The following PSMG4 variants were observed in gnomAD, a reference collection of about 807,000 sequenced individuals.
PSMG4 encodes the protein proteasome assembly chaperone 4, also known as proteasome (prosome, macropain) assembly chaperone 4.
Under a neutral mutation model 11.0 loss-of-function variants are expected in PSMG4, and 10 were observed. The ratio of observed to expected loss-of-function variants is 0.91; its 90% CI spans 0.56 to 1.54. The LOEUF (loss-of-function observed/expected upper bound fraction) is 1.54. PSMG4 is among the 40% of genes most tolerant of loss of function. PSMG4 has a pLI of 0.00. For missense variants in PSMG4, 198 were observed against 160.9 expected, an observed-to-expected ratio of 1.23 and a Z score of -1.25; for synonymous variants, 95 against 71.3, an observed-to-expected ratio of 1.33 and a Z score of -1.68.
intron 1 of PSMG4, among the ~76,000 whole-genome samples, chr6:3,260,376 C>G (rs1757945331): frequency 1.4e-5 from 2 of 144,766 alleles, no homozygotes; most frequent in Non-Finnish European, 3.0e-5. Context: ...ACTGCAACCT[C>G]CGCCTCCCAG....
upstream of PSMG4, chr6:3,255,195 G>A (rs769591333): frequency 5.2e-6 from 8 of 1,550,378 alleles, no homozygotes; most frequent in African/African-American, 4.1e-5. Flanking sequence ...GTGGAAGTAG[G>A]ATGTTTGGTG....
upstream of PSMG4, chr6:3,255,162 T>C: frequency 1.3e-6 from 2 of 1,550,950 alleles, no homozygotes; most frequent in East Asian, 4.9e-5. Flanking sequence ...AGGGCCATAC[T>C]GACGGCTTAC....
chr6:3,263,987 C>A, intron 2 of PSMG4: 1 of 1,314,364 alleles, frequency 7.6e-7, no homozygotes, highest in Non-Finnish European at 1.0e-6. Flanking sequence ...AAAGGACTCC[C>A]ACCTCGTCCT....
At chr6:3,255,682 A>AT (rs1752025742), upstream of PSMG4, among the ~76,000 whole-genome samples, 1 of 152,232 alleles carries the variant, frequency 6.6e-6, no homozygotes, top group African/African-American at 2.4e-5. Flanking sequence ...TTTGTATGAG[A>AT]TCCCTCCTAT....
chr6:3,266,297 A>G (rs1441367757), intron 2 of PSMG4: 2 of 152,252 alleles, frequency 1.3e-5, no homozygotes, highest in East Asian at 1.9e-4. Context: ...CTGAAAGGAC[A>G]GAACTGCTGC....
At chr6:3,254,451 C>CTTTTT (rs5873867), upstream of PSMG4, among the ~76,000 whole-genome samples, 6 of 151,712 alleles carry the variant, frequency 4.0e-5, no homozygotes, top group African/African-American at 1.5e-4. Flanking sequence ...TAGTTTTCTG[C>CTTTTT]TTTTTTTGTG....
At chr6:3,254,653 T>C (rs184590269), upstream of PSMG4, among the ~76,000 whole-genome samples, 7 of 152,296 alleles carry the variant, frequency 4.6e-5, no homozygotes, top group East Asian at 1.4e-3. Context: ...GGCCTACAGC[T>C]TTGTTCCTTC....
intron 2 of PSMG4, 40 bp from the exon 3 acceptor site, chr6:3,267,551 A>T: frequency 6.5e-7 from 1 of 1,546,862 alleles, no homozygotes; most frequent in Non-Finnish European, 8.7e-7. Context: ...GGCCTGCAGT[A>T]TTTCAGGAGT....
At chr6:3,259,563 C>T (rs1482571901) in intron 1 of PSMG4, among the ~76,000 whole-genome samples, 1 of 152,250 alleles carries the variant, frequency 6.6e-6, no homozygotes, top group African/African-American at 2.4e-5. Context: ...ACTCTTGCGT[C>T]TCCACTGGAT....
upstream of PSMG4, among the ~76,000 whole-genome samples, chr6:3,257,793 G>A (rs1218462328): frequency 6.6e-6 from 1 of 152,174 alleles, no homozygotes; most frequent in Non-Finnish European, 1.5e-5. Context: ...GGATTGTGAT[G>A]ATGATTTCAC....
chr6:3,266,789 A>T (rs1025215664), intron 2 of PSMG4: 1 of 152,166 alleles, frequency 6.6e-6, no homozygotes, highest in African/African-American at 2.4e-5. Flanking sequence ...ATGGAAACGT[A>T]GGAGGGAGGG....
At chr6:3,254,551 T>G (rs1410141914), upstream of PSMG4, among the ~76,000 whole-genome samples, 1 of 152,144 alleles carries the variant, frequency 6.6e-6, no homozygotes, top group Non-Finnish European at 1.5e-5. Flanking sequence ...GTGTGCAGAT[T>G]TGTTCTCGGG....
chr6:3,256,885 G>A (rs1270674494), upstream of PSMG4, among the ~76,000 whole-genome samples: 6 of 152,194 alleles, frequency 3.9e-5, no homozygotes, highest in Admixed American at 3.3e-4. Flanking sequence ...TAGCAGTTGG[G>A]ACAAGTTTTT....
chr6:3,255,004 C>T (rs775816866), upstream of PSMG4: 20 of 1,541,520 alleles, frequency 1.3e-5, no homozygotes, highest in South Asian at 2.1e-4. Flanking sequence ...TAGCGCACTC[C>T]CATGTGGGAG....
At chr6:3,263,655 C>T (rs371161980) in intron 1 of PSMG4, 29 bp from the exon 2 acceptor site, 2 of 1,506,114 alleles carry the variant, frequency 1.3e-6, no homozygotes, top group Non-Finnish European at 1.8e-6. Context: ...GGTGGAGAAG[C>T]TGCAGTGTGC....
At chr6:3,261,861 G>A (rs976353925) in intron 1 of PSMG4, among the ~76,000 whole-genome samples, 1 of 152,196 alleles carries the variant, frequency 6.6e-6, no homozygotes, top group Admixed American at 6.5e-5. Context: ...CTGAGCAGTT[G>A]TAATAGAGAC....
At chr6:3,254,552 T>TA (rs1440397289), upstream of PSMG4, among the ~76,000 whole-genome samples, 2 of 152,160 alleles carry the variant, frequency 1.3e-5, no homozygotes, top group East Asian at 3.8e-4. Context: ...TGTGCAGATT[T>TA]GTTCTCGGGG....
chr6:3,260,224 A>G (rs1246947344), intron 1 of PSMG4, among the ~76,000 whole-genome samples: 1 of 149,886 alleles, frequency 6.7e-6, no homozygotes, highest in African/African-American at 2.5e-5. Flanking sequence ...TAAGGACATC[A>G]GTAATGTTGG....
upstream of PSMG4, among the ~76,000 whole-genome samples, chr6:3,257,356 T>C (rs575131713): frequency 1.1e-4 from 17 of 152,238 alleles, no homozygotes; most frequent in South Asian, 2.9e-3. Flanking sequence ...GAGAGGAGCA[T>C]TGAGGTTTTG....
Sources: gnomAD v4.1 joint callset for allele counts (sites outside exome capture counted in the v4.1 genomes callset) on GRCh38, gnomAD v4.1.1 for gene constraint, MANE v1.5 for transcripts, NCBI Gene and HGNC (gene_info 2026-07-23, HGNC 2026-07-21) for gene names.